Variants in CDIN1 observed in about 807,000 individuals in gnomAD.
The protein encoded by CDIN1 is CDAN1-interacting nuclease 1.
CDIN1 carries 33 observed loss-of-function variants against 45.3 expected under a neutral mutation model. That is an observed-to-expected ratio of 0.73 (90% CI 0.55 to 0.97). The LOEUF (loss-of-function observed/expected upper bound fraction) is 0.97. Among genes scored for constraint, CDIN1 ranks in the 50% least tolerant of loss-of-function variants. The pLI is 0.00. For synonymous variants in CDIN1, 118 were observed against 124.4 expected, an observed-to-expected ratio of 0.95 and a Z score of 0.34; for missense variants, 303 against 339.4, an observed-to-expected ratio of 0.89 and a Z score of 0.84.
chr15:36,694,933 C>A (rs1257891960), intron 7 of CDIN1, among the ~76,000 whole-genome samples: 3 of 152,154 alleles, frequency 2.0e-5, no homozygotes, highest in Admixed American at 6.5e-5. Context: ...TAATGAGAGA[C>A]CATTGAGAGT....
chr15:36,582,718 T>TTA (rs1448250467), intron 1 of CDIN1, among the ~76,000 whole-genome samples: 1 of 152,196 alleles, frequency 6.6e-6, no homozygotes, highest in Non-Finnish European at 1.5e-5. Context: ...CAAAGCATAA[T>TTA]TATGTTTTCA....
intron 8 of CDIN1, among the ~76,000 whole-genome samples, chr15:36,698,569 T>A (rs2042519655): frequency 6.6e-6 from 1 of 152,224 alleles, no homozygotes; most frequent in South Asian, 2.1e-4. Context: ...CCAGTTGGAA[T>A]GAGTGACCTG....
At chr15:36,685,845 C>G (rs1367979320) in intron 5 of CDIN1, among the ~76,000 whole-genome samples, 1 of 152,136 alleles carries the variant, frequency 6.6e-6, no homozygotes, top group African/African-American at 2.4e-5. Context: ...AAATGCAAAT[C>G]AAAACCACAA....
At chr15:36,625,836 T>C (rs910687332) in intron 1 of CDIN1, among the ~76,000 whole-genome samples, 5 of 152,176 alleles carry the variant, frequency 3.3e-5, no homozygotes, top group African/African-American at 9.6e-5. Context: ...CAAAATACCA[T>C]AGATTGGGTA....
intron 8 of CDIN1, chr15:36,708,715 T>C (rs2042954760): frequency 6.6e-6 from 1 of 152,176 alleles, no homozygotes; most frequent in African/African-American, 2.4e-5. Flanking sequence ...ACTAATTCTT[T>C]ATGGCGATCT....
At chr15:36,735,896 G>T (rs145753761) in intron 10 of CDIN1, among the ~76,000 whole-genome samples, 138 of 152,196 alleles carry the variant, frequency 9.1e-4, no homozygotes, top group African/African-American at 3.2e-3. Flanking sequence ...TCCTTTAAAA[G>T]TCCACAGCTG....
intron 1 of CDIN1, among the ~76,000 whole-genome samples, chr15:36,614,493 C>T (rs570732292): frequency 5.3e-5 from 8 of 152,212 alleles, no homozygotes; most frequent in Non-Finnish European, 2.9e-5. Flanking sequence ...TTTGTAATTA[C>T]CTTTTTTGTT....
intron 1 of CDIN1, among the ~76,000 whole-genome samples, chr15:36,611,058 T>G (rs1033680302): frequency 6.6e-6 from 1 of 152,246 alleles, no homozygotes. Context: ...TTACCCAAAT[T>G]ATCTGCATAA....
At chr15:36,772,885 A>G (rs1170800744) in intron 10 of CDIN1, among the ~76,000 whole-genome samples, 1 of 152,228 alleles carries the variant, frequency 6.6e-6, no homozygotes, top group Non-Finnish European at 1.5e-5. Flanking sequence ...GAGAGGAAAG[A>G]AAAACCTGTA....
chr15:36,751,680 A>G (rs2053474996), intron 10 of CDIN1, among the ~76,000 whole-genome samples: 1 of 152,182 alleles, frequency 6.6e-6, no homozygotes. Context: ...TCATTCTGTT[A>G]TAAAGATACA....
intron 10 of CDIN1, among the ~76,000 whole-genome samples, chr15:36,789,701 C>G (rs913990034): frequency 1.3e-5 from 2 of 152,190 alleles, no homozygotes; most frequent in Non-Finnish European, 2.9e-5. Flanking sequence ...AAAATTATGC[C>G]CCACACATGA....
intron 10 of CDIN1, among the ~76,000 whole-genome samples, chr15:36,716,725 C>G (rs935189215): frequency 2.6e-5 from 4 of 152,062 alleles, no homozygotes; most frequent in Non-Finnish European, 4.4e-5. Context: ...TCTTCTTTAC[C>G]GAGCCTCAAC....
Position 36,654,091 on chromosome 15 carries a change from T to TG in CDIN1, c.213-6dup. The TG allele has an allele frequency of 6.4e-7, 1 of 1,573,604 alleles. No individual in the cohort carries two copies. The highest frequency in any genetic ancestry group is 8.6e-7 in the Non-Finnish European group (1 of 1,157,056). On this transcript the variant is annotated splice_polypyrimidine_tract_variant and splice_region_variant and intron_variant, in intron 3 of 10. Transcript: ENST00000566621. The stretch of plus-strand genomic sequence containing the variant: ...ACTGCATTACCACTTGGCTTTGTCT[T>TG]GTCTAGGTACCTGAATGGAGTGGTG...
chr15:36,591,216 G>A (rs2037557701), intron 1 of CDIN1, among the ~76,000 whole-genome samples: 4 of 152,158 alleles, frequency 2.6e-5, no homozygotes, highest in Admixed American at 2.0e-4. Flanking sequence ...TACACATGAA[G>A]TTAGACTGGC....
Position 36,725,908 on chromosome 15 carries a change from G to A in CDIN1, c.716+15947G>A, listed in dbSNP as rs546957149. 2.6e-5 allele frequency among the ~76,000 whole-genome samples: 4 copies of A among 152,234 alleles called. No homozygotes were observed. The East Asian group carries it at 7.7e-4, about 29-fold the overall frequency. Reference sequence around the variant, plus strand: ...AGCTATTCAGGAAGATTTTCATGCTGTCTCCACAGCTAATAAATATAAAAT... The same window carrying A: ...AGCTATTCAGGAAGATTTTCATGCTATCTCCACAGCTAATAAATATAAAAT... On this transcript the variant is annotated intron_variant, in intron 10 of 10. Transcript: ENST00000566621.
At chr15:36,729,329 A>T (rs551215406) in intron 10 of CDIN1, among the ~76,000 whole-genome samples, 11 of 152,322 alleles carry the variant, frequency 7.2e-5, no homozygotes, top group Non-Finnish European at 1.5e-4. Context: ...TATCACTGAG[A>T]ATTTTAAATT....
chr15:36,626,715 C>A, intron 1 of CDIN1: 1 of 431,508 alleles, frequency 2.3e-6, no homozygotes, highest in South Asian at 1.8e-5. Context: ...TTCTGGTTCA[C>A]CTGAAAATAT....
At chr15:36,782,437 T>C (rs1405048794) in intron 10 of CDIN1, among the ~76,000 whole-genome samples, 6 of 152,180 alleles carry the variant, frequency 3.9e-5, no homozygotes, top group Non-Finnish European at 8.8e-5. Context: ...TAACTAATAA[T>C]TTAGCATTTT....
intron 1 of CDIN1, among the ~76,000 whole-genome samples, chr15:36,601,526 G>T (rs988957499): frequency 1.3e-5 from 2 of 152,088 alleles, no homozygotes; most frequent in Non-Finnish European, 2.9e-5. Context: ...TTTTTCAGGG[G>T]ATTCACAACT....
Sources: allele counts gnomAD v4.1 joint callset (sites outside exome capture counted in the v4.1 genomes callset), GRCh38; gene constraint gnomAD v4.1.1; transcripts MANE v1.5; gene names NCBI Gene and HGNC (gene_info 2026-07-23, HGNC 2026-07-21).